Variants in MYL11 observed in about 807,000 individuals in gnomAD.
MYL11 encodes the protein myosin regulatory light chain 11.
chr16:30,375,802 TC>T, the MYL11 span: 1 of 1,611,464 alleles, frequency 6.2e-7, no homozygotes. Flanking sequence ...GCCCCTTTGT[TC>T]AACCCTCACC....
the MYL11 span, among the ~76,000 whole-genome samples, chr16:30,375,633 A>G: frequency 6.6e-6 from 1 of 152,274 alleles, no homozygotes; most frequent in African/African-American, 2.4e-5. Flanking sequence ...CAGGAGCCAC[A>G]GACGGGAATT....
chr16:30,377,225 A>G, the MYL11 span, among the ~76,000 whole-genome samples: 2 of 150,308 alleles, frequency 1.3e-5, no homozygotes, highest in African/African-American at 4.9e-5. Context: ...AAAAAAAAGA[A>G]AAAAAAAAAT....
the MYL11 span, chr16:30,375,767 G>A: frequency 1.2e-5 from 18 of 1,461,726 alleles, no homozygotes; most frequent in African/African-American, 1.3e-4. Context: ...ATTGCCCCCA[G>A]AGAGGTGGAG....
chr16:30,375,989 C>A, the MYL11 span: 1 of 1,533,108 alleles, frequency 6.5e-7, no homozygotes, highest in Non-Finnish European at 9.0e-7. Flanking sequence ...TGTGCACCTG[C>A]TTGAAGGAGG....
At chr16:30,377,500 A>G in the MYL11 span, 1 of 661,414 alleles carries the variant, frequency 1.5e-6, no homozygotes, top group South Asian at 4.1e-5. Flanking sequence ...ATGTGGGCGG[A>G]GAGGGCAAAA....
chr16:30,376,839 G>C, the MYL11 span: 3 of 808,222 alleles, frequency 3.7e-6, no homozygotes, highest in Admixed American at 4.5e-5. Flanking sequence ...GGCAGAGGCA[G>C]GAGGATTTAC....
chr16:30,373,952 C>G, the MYL11 span, among the ~76,000 whole-genome samples: 3 of 151,948 alleles, frequency 2.0e-5, no homozygotes, highest in Admixed American at 2.0e-4. Flanking sequence ...TCCACAAAGC[C>G]CAGCCTAGCA....
the MYL11 span, chr16:30,376,536 A>C: frequency 6.2e-7 from 1 of 1,613,894 alleles, no homozygotes; most frequent in Non-Finnish European, 8.5e-7. Context: ...GGGTGAGTGG[A>C]GTGTCCTGGG....
At chr16:30,376,121 C>T in the MYL11 span, 25 of 1,609,794 alleles carry the variant, frequency 1.6e-5, no homozygotes, top group African/African-American at 2.5e-4. Context: ...GGGACCTAAC[C>T]CTCCCCACCA....
the MYL11 span, chr16:30,376,375 C>G: frequency 4.8e-5 from 76 of 1,579,236 alleles, no homozygotes; most frequent in Non-Finnish European, 6.5e-5. Context: ...AGCGCAGGCC[C>G]GGCCCCAGGA....
At chr16:30,377,093 G>A in the MYL11 span, among the ~76,000 whole-genome samples, 1 of 152,034 alleles carries the variant, frequency 6.6e-6, no homozygotes, top group South Asian at 2.1e-4. Context: ...GGCGCCTGTA[G>A]TCCCAGCTAC....
chr16:30,376,708 G>A, the MYL11 span: 156 of 1,612,218 alleles, frequency 9.7e-5, no homozygotes, highest in South Asian at 1.3e-3. Flanking sequence ...TGTAAGCATC[G>A]GCTCCCCCAC....
At chr16:30,376,537 G>A in the MYL11 span, 2 of 1,613,924 alleles carry the variant, frequency 1.2e-6, no homozygotes, top group Non-Finnish European at 8.5e-7. Flanking sequence ...GGTGAGTGGA[G>A]TGTCCTGGGT....
the MYL11 span, chr16:30,377,888 G>C: frequency 6.2e-7 from 1 of 1,611,448 alleles, no homozygotes. Flanking sequence ...GCGACGCCAA[G>C]GACCAGGAGT....
the MYL11 span, chr16:30,374,697 C>T: frequency 2.6e-6 from 2 of 782,754 alleles, no homozygotes; most frequent in Non-Finnish European, 3.8e-6. Flanking sequence ...CTGAGTTGGG[C>T]TATTTTGGTA....
At chr16:30,371,104 G>T in the MYL11 span, 1 of 152,264 alleles carries the variant, frequency 6.6e-6, no homozygotes, top group Non-Finnish European at 1.5e-5. Flanking sequence ...CACAGGACAG[G>T]AAAATAGATA....
At chr16:30,377,923 C>G in the MYL11 span, 1 of 1,589,966 alleles carries the variant, frequency 6.3e-7, no homozygotes, top group Admixed American at 1.7e-5. Context: ...GCCTCCGCTG[C>G]CCGACGCTTC....
At chr16:30,373,855 GCT>G in the MYL11 span, among the ~76,000 whole-genome samples, 5 of 151,968 alleles carry the variant, frequency 3.3e-5, no homozygotes, top group African/African-American at 1.2e-4. Flanking sequence ...TCCACAGATG[GCT>G]CTTTCTCACC....
At chr16:30,373,347 G>A in the MYL11 span, among the ~76,000 whole-genome samples, 13 of 152,194 alleles carry the variant, frequency 8.5e-5, no homozygotes, top group Non-Finnish European at 1.6e-4. Context: ...TGTAATCCCA[G>A]CACTTTGGGA....
Sources: allele counts gnomAD v4.1 joint callset (sites outside exome capture counted in the v4.1 genomes callset), GRCh38; gene constraint gnomAD v4.1.1; transcripts MANE v1.5; gene names NCBI Gene and HGNC (gene_info 2026-07-23, HGNC 2026-07-21).